Variants in ITGAD observed in about 807,000 individuals in gnomAD.
The protein encoded by ITGAD is integrin alpha-D.
A neutral mutation model predicts 139.0 loss-of-function variants in ITGAD; 105 were observed. The observed-to-expected ratio is 0.76, with a 90% CI of 0.65 to 0.89. The LOEUF (loss-of-function observed/expected upper bound fraction) is 0.89, where lower values mean the gene tolerates loss of function less well. ITGAD is among the 40% of genes least tolerant of loss of function. The pLI is 0.00. For missense variants in ITGAD, 1,384 were observed against 1,487.3 expected (o/e 0.93, Z 1.14); for synonymous variants, 569 against 598.3 (o/e 0.95, Z 0.71).
At chr16:31,425,558 C>T (rs749878808) in intron 29 of ITGAD, among the ~76,000 whole-genome samples, 6 of 152,112 alleles carry the variant, frequency 3.9e-5, no homozygotes, top group African/African-American at 9.7e-5. Context: ...TAAATGTTCT[C>T]GCACACAAAC....
intron 22 of ITGAD, 26 bp from the exon 23 acceptor site, chr16:31,418,455 C>A: frequency 6.2e-7 from 1 of 1,610,452 alleles, no homozygotes; most frequent in South Asian, 1.1e-5. Flanking sequence ...GATTCCTTCC[C>A]ATTGGTCCCT....
intron 2 of ITGAD, among the ~76,000 whole-genome samples, chr16:31,395,836 TGGTCACGAGGAGCTATAAGA>T (rs2081251826): frequency 6.6e-6 from 1 of 151,998 alleles, no homozygotes; most frequent in African/African-American, 2.4e-5. Context: ...AAGGCTCAGT[TGGTCACGAGGAGCTATAAGA>T]GGTCACCGAG....
At chr16:31,416,684 T>C (rs756959040) in intron 20 of ITGAD, 38 bp downstream of exon 20, 84 of 1,573,702 alleles carry the variant, frequency 5.3e-5, no homozygotes, top group Non-Finnish European at 7.1e-5. Flanking sequence ...AGGGGGCCTC[T>C]CCCCTGCCCT....
In ITGAD at chr16:31,416,250, G is replaced by A. The variant is rs754866384; in HGVS notation, c.2321G>A (p.Cys774Tyr). The A allele has an allele frequency of 1.2e-6, 2 of 1,606,290 alleles. No individual in the cohort carries two copies. Among genetic ancestry groups the A allele is most frequent in the Non-Finnish European group, 1.7e-6 (2 of 1,175,556 alleles). ...FEKNCGQDGL[C>Y]EGDLGVTLSF... ...AAGAACTGTGGGCAAGATGGCCTCTGTGAAGGGGACCTGGGTGTCACCCTC... is the reference window on the plus strand; with the variant it reads ...AAGAACTGTGGGCAAGATGGCCTCTATGAAGGGGACCTGGGTGTCACCCTC... Residue 774 changes from cysteine to tyrosine, a missense_variant, in exon 19 of 30, where the codon TGT becomes TAT. Transcript: ENST00000389202.
At position 31,403,490 on chromosome 16, in the gene ITGAD, G is replaced by T. The variant is rs1343144310; in HGVS notation, c.559-10G>T. On this transcript the variant is annotated splice_polypyrimidine_tract_variant and intron_variant, in intron 6 of 29. Transcript: ENST00000389202. The surrounding 1 kb of genome is among the most constrained non-coding windows in gnomAD (Gnocchi z 4.4). ...ACTGAGCCCTGGGCCCTCCCCACTGGCCTTTGCAGTTTGCACTGATGCAGT... is the reference window on the plus strand; with the variant it reads ...ACTGAGCCCTGGGCCCTCCCCACTGTCCTTTGCAGTTTGCACTGATGCAGT... The T allele has an allele frequency of 1.9e-6, 3 of 1,613,732 alleles. No individual in the cohort carries two copies. In the African/African-American group the frequency reaches 4.0e-5, roughly 22 times the overall value.
chr16:31,414,671 G>A (rs1399293953), intron 17 of ITGAD, 66 bp downstream of exon 17: 42 of 1,598,530 alleles, frequency 2.6e-5, no homozygotes, highest in East Asian at 1.8e-4. Flanking sequence ...GAGCACCCCC[G>A]TTCTCTGCTG....
At chr16:31,416,713 C>A in intron 20 of ITGAD, 67 bp downstream of exon 20, 1 of 1,488,058 alleles carries the variant, frequency 6.7e-7, no homozygotes, top group African/African-American at 1.4e-5. Context: ...GGGAGTTACA[C>A]AGTGTTCTTC....
At chr16:31,401,792 G>A (rs2142645978) in intron 5 of ITGAD, among the ~76,000 whole-genome samples, 1 of 152,362 alleles carries the variant, frequency 6.6e-6, no homozygotes, top group African/African-American at 2.4e-5. Context: ...AGGCACACTG[G>A]CTCCAGAACA....
chr16:31,397,706 C>CGGG (rs1597105855), intron 4 of ITGAD, 40 bp downstream of exon 4: 144 of 300,212 alleles, frequency 4.8e-4, no homozygotes, highest in Non-Finnish European at 6.6e-4. Flanking sequence ...TGGGGTGGGG[C>CGGG]GGGGGGTGTT....
intron 2 of ITGAD, 78 bp downstream of exon 2, chr16:31,394,419 G>A: frequency 9.2e-7 from 1 of 1,085,368 alleles, no homozygotes. Context: ...TTACCCCAGG[G>A]AGGTGTCCTG....
intron 26 of ITGAD, 26 bp from the exon 27 acceptor site, chr16:31,423,813 ACCCCTC>A (rs1273237706): frequency 6.2e-7 from 1 of 1,608,784 alleles, no homozygotes; most frequent in East Asian, 2.2e-5. Context: ...TCAGGGAAGA[ACCCCTC>A]AGTTTCACCC....
At position 31,393,402 on chromosome 16, in the gene ITGAD, C is replaced by CTGGGGAG; in HGVS notation, c.31+11_31+12insTGGGGAG. ...TGCTTCTTCTGAGTGGTAAGTGGGG[C>CTGGGGAG]CAGGGTGCTGGGGAGAAGCTTGGAG... On this transcript the variant is annotated intron_variant, in intron 1 of 29. Transcript: ENST00000389202. 6.2e-7 allele frequency: 1 copy of CTGGGGAG among 1,613,944 alleles called. No individual in the cohort carries two copies. The highest frequency in any genetic ancestry group is 8.5e-7 in the Non-Finnish European group (1 of 1,179,948).
In ITGAD at chr16:31,418,234, C is replaced by T. The variant is rs761799068; in HGVS notation, c.2616+43C>T. 7.5e-6 allele frequency: 12 copies of T among 1,602,954 alleles called. 1 individual carries two copies. Among genetic ancestry groups the T allele is most frequent in the South Asian group, 5.5e-5 (5 of 90,816 alleles). On this transcript the variant is annotated intron_variant, in intron 21 of 29. Coordinates refer to ENST00000389202, the MANE Select transcript of ITGAD (RefSeq NM_005353.3). ...AATCCCCATCACTGTCCTCCCTTGT[C>T]CCAATCTGTCCCTCACTCTGCCATG... is the stretch of plus-strand genomic sequence containing the variant.
chr16:31,411,654 C>T lies in ITGAD; in HGVS notation c.1707+137C>T. ...CAGCTAAGCACACGTCATCTCTCTT[C>T]TCTCCTTTGTTCCAGAAAGCCTTCC... On this transcript the variant is annotated intron_variant, in intron 14 of 29. Transcript: ENST00000389202. The T allele has an allele frequency of 6.0e-6, 5 of 828,486 alleles. No individual in the cohort carries two copies. The South Asian group carries it at 8.4e-5, about 14-fold the overall frequency. 51.3% of individuals were successfully genotyped at this position (828,486 alleles called of 1,614,324 possible).
At position 31,411,321 on chromosome 16, in the gene ITGAD, A is replaced by T. The variant is rs2081703417; in HGVS notation, c.1511A>T (p.Gln504Leu). 1 of 1,612,588 alleles carries T rather than the reference A, an allele frequency of 6.2e-7. No homozygotes were observed. The highest frequency in any genetic ancestry group is 8.5e-7 in the Non-Finnish European group (1 of 1,179,082). ...TGTGTTCAGCAGAGGGTGCAGTGGC[A>T]GTGTGACGCTGTTCTCCGTGGTGAG... ...CPLPRGRVQW[Q>L]CDAVLRGEQG... The change falls in exon 14 of 30, where the codon CAG becomes CTG. Residue 504 changes from glutamine to leucine, a missense_variant. Physicochemically the swap from Gln to Leu is moderately radical, Grantham distance 113. Transcript: ENST00000389202.
In ITGAD at chr16:31,423,189, C is replaced by A; in HGVS notation, c.2856C>A (p.Tyr952Ter). Residue 952 changes from tyrosine (Y) to a stop codon, truncating the protein, a stop_gained, in exon 24 of 30, where the codon TAC becomes TAA. Coordinates refer to ENST00000389202, the MANE Select transcript of ITGAD (RefSeq NM_005353.3). LOFTEE classifies it high-confidence loss of function. Reference sequence around the variant, plus strand: ...AAATGAAAGAGGCTGAGCATCGATACCGTGTGAGAGTCTAGGGAGTATCCA... The same window carrying A: ...AAATGAAAGAGGCTGAGCATCGATAACGTGTGAGAGTCTAGGGAGTATCCA... ...EKKMKEAEHR[Y>*]RVNNLSQRDL... 1 of 1,613,488 alleles carries A rather than the reference C, an allele frequency of 6.2e-7. No individual in the cohort carries two copies. The highest frequency in any genetic ancestry group is 1.3e-5 in the African/African-American group (1 of 75,014).
chr16:31,418,342 C>T lies in ITGAD; in HGVS notation c.2658C>T (p.Thr886=), dbSNP rs758814750. Residue 886 remains threonine, a synonymous_variant, in exon 22 of 30, where the codon ACC becomes ACT. Coordinates refer to ENST00000389202, the MANE Select transcript of ITGAD (RefSeq NM_005353.3). Reference sequence around the variant, plus strand: ...CATTCGATGTCTCCTACAAGGCCACCCTGGGAGACAGGATGCTTATGAGGG... The same window carrying T: ...CATTCGATGTCTCCTACAAGGCCACTCTGGGAGACAGGATGCTTATGAGGG... ...IVTFDVSYKA[T]LGDRMLMRAS... is the part of the protein sequence containing the mutation. The T allele has an allele frequency of 1.9e-6, 3 of 1,614,082 alleles. No individual in the cohort carries two copies. The highest frequency in any genetic ancestry group is 3.3e-5 in the Admixed American group (2 of 59,998).
intron 3 of ITGAD, 25 bp downstream of exon 3, chr16:31,397,487 C>T (rs2081295159): frequency 1.3e-6 from 2 of 1,578,146 alleles, no homozygotes; most frequent in Admixed American, 1.8e-5. Context: ...GGGAATTGGG[C>T]CCCTCAACCC....
Position 31,412,871 on chromosome 16 carries a change from C to T in ITGAD, c.1741C>T (p.Gln581Ter). ...IASSQLSPRL[Q>*]YFGQALSGGQ... ...CAGCTCCCAGCTCTCCCCCAGGCTG[C>T]AGTATTTTGGGCAGGCGCTGAGTGG... Residue 581 changes from glutamine (Q) to a stop codon, truncating the protein, a stop_gained, in exon 15 of 30, where the codon CAG (glutamine) becomes TAG (stop). Transcript: ENST00000389202. LOFTEE classifies it high-confidence loss of function. The T allele has an allele frequency of 6.2e-7, 1 of 1,614,122 alleles. No homozygotes were observed. Among genetic ancestry groups the T allele is most frequent in the Non-Finnish European group, 8.5e-7 (1 of 1,180,008 alleles).
Sources: gnomAD v4.1 joint callset for allele counts (sites outside exome capture counted in the v4.1 genomes callset) on GRCh38, gnomAD v4.1.1 for gene constraint, Gnocchi (gnomAD v3.1) non-coding constraint, MANE v1.5 for transcripts, NCBI Gene and HGNC (gene_info 2026-07-23, HGNC 2026-07-21) for gene names.